DOCK10: variants seen among roughly 807,000 people sequenced by gnomAD.
The protein encoded by DOCK10 is dedicator of cytokinesis 10.
Under a neutral mutation model 280.1 loss-of-function variants are expected in DOCK10, and 145 were observed. The ratio of observed to expected loss-of-function variants is 0.52; its 90% CI spans 0.45 to 0.59. DOCK10 has a LOEUF of 0.59. DOCK10 is among the 20% of genes least tolerant of loss of function. The pLI is 0.00. For synonymous variants in DOCK10, 915 were observed against 942.2 expected, an observed-to-expected ratio of 0.97 and a Z score of 0.53; for missense variants, 2,368 against 2,651.7, an observed-to-expected ratio of 0.89 and a Z score of 2.35.
intron 1 of DOCK10, among the ~76,000 whole-genome samples, chr2:225,005,432 A>G (rs750247489): frequency 6.6e-6 from 1 of 152,230 alleles, no homozygotes; most frequent in Non-Finnish European, 1.5e-5. Context: ...TGTTAACTGA[A>G]TGTCAGTTAT....
chr2:224,903,068 A>C (rs1263988470), intron 3 of DOCK10, among the ~76,000 whole-genome samples: 2 of 152,242 alleles, frequency 1.3e-5, no homozygotes, highest in Non-Finnish European at 2.9e-5. Context: ...ACTGCTCTCC[A>C]GCCTGGGCGA....
chr2:225,041,583 G>A (rs1028620822), intron 1 of DOCK10, among the ~76,000 whole-genome samples: 1 of 152,170 alleles, frequency 6.6e-6, no homozygotes, highest in Non-Finnish European at 1.5e-5. Context: ...GGAGAACCCC[G>A]CGAAACATCT....
chr2:225,036,651 G>C (rs2106141702), intron 1 of DOCK10, among the ~76,000 whole-genome samples: 1 of 152,146 alleles, frequency 6.6e-6, no homozygotes, highest in African/African-American at 2.4e-5. Context: ...ATCACACCAT[G>C]CTACTATTTG....
chr2:224,823,224 G>T (rs534239001), intron 28 of DOCK10, among the ~76,000 whole-genome samples: 74 of 151,922 alleles, frequency 4.9e-4, no homozygotes, highest in Middle Eastern at 6.8e-3. Flanking sequence ...TTGACCTCAT[G>T]ATCTGCCCGC....
At position 224,792,981 on chromosome 2, in the gene DOCK10, A is replaced by T. The variant is rs1692304501; in HGVS notation, c.5304T>A (p.Ser1768Arg). 2 of 1,612,280 alleles carry T rather than the reference A, an allele frequency of 1.2e-6. No homozygotes were observed. The highest frequency in any genetic ancestry group is 4.5e-5 in the East Asian group (2 of 44,848). Residue 1768 changes from serine to arginine, a missense_variant, in exon 47 of 56, where the codon AGT becomes AGA. Ser to Arg is a moderately radical substitution (Grantham distance 110). Coordinates refer to ENST00000258390, the MANE Select transcript of DOCK10 (RefSeq NM_014689.3). ...CDSNSLLTTP[S>R]GGSMFSMGWP... ...AGCAGTTAGGTCACTCACTTCCTCCACTGGGAGTTGTTAGTAATGAGTTGC... is the reference window on the plus strand; with the variant it reads ...AGCAGTTAGGTCACTCACTTCCTCCTCTGGGAGTTGTTAGTAATGAGTTGC...
intron 1 of DOCK10, among the ~76,000 whole-genome samples, chr2:225,026,164 T>G (rs1327107353): frequency 1.3e-5 from 2 of 151,988 alleles, no homozygotes; most frequent in Non-Finnish European, 2.9e-5. Context: ...GAAGCTTGAG[T>G]GGCTGAAGTG....
At chr2:224,819,575 T>TAAAA (rs754583144) in intron 28 of DOCK10, 46 bp from the exon 29 acceptor site, 3 of 1,269,936 alleles carry the variant, frequency 2.4e-6, no homozygotes, top group African/African-American at 1.5e-5. Context: ...ACTTGAAGAA[T>TAAAA]CATTAAAGAT....
chr2:224,774,764 T>C lies in DOCK10; in HGVS notation c.6013+141A>G, dbSNP rs1236729476. ...AGAATAAAGAGATGGAAATCTCTTC[T>C]TGGCAAACATTTCCCAGTTAGCACA... is the stretch of plus-strand genomic sequence containing the variant. On this transcript the variant is annotated intron_variant, in intron 52 of 55. Coordinates refer to ENST00000258390, the MANE Select transcript of DOCK10 (RefSeq NM_014689.3). 14 of 757,980 alleles carry C rather than the reference T, an allele frequency of 1.8e-5. No homozygotes were observed. The East Asian group carries it at 3.8e-4, about 20-fold the overall frequency. 47.0% of individuals were successfully genotyped at this position (757,980 alleles called of 1,614,324 possible).
At chr2:224,846,558 G>A (rs1183650560) in intron 19 of DOCK10, among the ~76,000 whole-genome samples, 2 of 147,922 alleles carry the variant, frequency 1.4e-5, no homozygotes, top group Non-Finnish European at 3.0e-5. Context: ...ACAGTGCAGT[G>A]GCACGATAGC....
chr2:224,947,009 T>C, intron 1 of DOCK10: 3 of 1,503,128 alleles, frequency 2.0e-6, no homozygotes, highest in Non-Finnish European at 2.7e-6. Context: ...GTTAAACTCT[T>C]CTCTTCTGAA....
intron 42 of DOCK10, 64 bp from the exon 43 acceptor site, chr2:224,797,210 T>C: frequency 8.1e-7 from 1 of 1,235,636 alleles, no homozygotes; most frequent in East Asian, 2.7e-5. Context: ...TTCATTCTCA[T>C]ATTTTAAAAT....
intron 30 of DOCK10, among the ~76,000 whole-genome samples, chr2:224,815,495 C>A (rs576001754): frequency 6.6e-6 from 1 of 151,250 alleles, no homozygotes; most frequent in Non-Finnish European, 1.5e-5. Context: ...TTCAGAACAA[C>A]GTAAACACCT....
At chr2:224,845,373 T>C (rs897016574) in intron 20 of DOCK10, 49 bp from the exon 21 acceptor site, 4 of 1,563,320 alleles carry the variant, frequency 2.6e-6, no homozygotes, top group African/African-American at 2.7e-5. Flanking sequence ...ACCTCCATGG[T>C]AAGAAGTCAC....
intron 19 of DOCK10, among the ~76,000 whole-genome samples, chr2:224,846,464 G>T (rs1696359461): frequency 6.6e-6 from 1 of 150,526 alleles, no homozygotes; most frequent in Admixed American, 6.6e-5. Context: ...AGAGTGCAGT[G>T]GTACGAACAC....
intron 1 of DOCK10, among the ~76,000 whole-genome samples, chr2:224,980,393 G>A (rs1705684440): frequency 6.6e-6 from 1 of 152,218 alleles, no homozygotes; most frequent in Admixed American, 6.5e-5. Flanking sequence ...TGTCACAATT[G>A]TAGTATAGCA....
chr2:224,956,625 GAAAAAAAAAAAA>G (rs3083983), intron 1 of DOCK10, among the ~76,000 whole-genome samples: 66 of 78,654 alleles, frequency 8.4e-4, no homozygotes, highest in African/African-American at 3.3e-3. Flanking sequence ...CGCTACCTCA[GAAAAAAAAAAAA>G]AAAAAAAAAA....
chr2:224,883,237 G>C (rs779498713), intron 7 of DOCK10, among the ~76,000 whole-genome samples: 2 of 152,112 alleles, frequency 1.3e-5, no homozygotes, highest in Non-Finnish European at 2.9e-5. Flanking sequence ...TCGAGATATC[G>C]TGTGATAGTG....
chr2:225,023,974 C>T (rs72976564), intron 1 of DOCK10, among the ~76,000 whole-genome samples: 26,418 of 152,184 alleles, frequency 0.17, 3,012 homozygotes, highest in Middle Eastern at 0.36. Flanking sequence ...TGACCAATAA[C>T]GGGACAAACT....
intron 14 of DOCK10, among the ~76,000 whole-genome samples, chr2:224,859,017 T>C (rs938232043): frequency 1.2e-4 from 19 of 152,218 alleles, no homozygotes; most frequent in Non-Finnish European, 1.2e-4. Flanking sequence ...AAAGTGGTTT[T>C]CAGATAGCTG....
Sources: gnomAD v4.1 joint callset for allele counts (sites outside exome capture counted in the v4.1 genomes callset) on GRCh38, gnomAD v4.1.1 for gene constraint, MANE v1.5 for transcripts, NCBI Gene and HGNC (gene_info 2026-07-23, HGNC 2026-07-21) for gene names.